MYH9: variants seen among roughly 807,000 people sequenced by gnomAD.
MYH9 encodes myosin-9.
A neutral mutation model predicts 241.9 loss-of-function variants in MYH9; 29 were observed. The ratio of observed to expected loss-of-function variants is 0.12; its 90% CI spans 0.09 to 0.16. The LOEUF is 0.16. MYH9 is among the 10% of genes least tolerant of loss of function. The probability of loss-of-function intolerance (pLI) is 1.00; values close to 1 mark genes in which losing one functional copy is unlikely to be tolerated. For missense variants in MYH9, 1,803 were observed against 2,595.5 expected (o/e 0.69, Z 6.63); for synonymous variants, 1,047 against 1,062.6 (o/e 0.99, Z 0.29).
intron 3 of MYH9, among the ~76,000 whole-genome samples, chr22:36,334,870 G>A (rs904596839): frequency 1.3e-5 from 2 of 152,186 alleles, no homozygotes; most frequent in African/African-American, 4.8e-5. Context: ...AGAGTGAGTT[G>A]ACTTGCTCCA....
intron 5 of MYH9, among the ~76,000 whole-genome samples, chr22:36,326,302 A>G (rs553982315): frequency 2.5e-4 from 38 of 152,338 alleles, no homozygotes; most frequent in Middle Eastern, 3.4e-3. Context: ...GCAAAAGCCA[A>G]GAGGGCTGCC....
At chr22:36,355,054 G>A (rs1051649572) in intron 1 of MYH9, among the ~76,000 whole-genome samples, 37 of 149,284 alleles carry the variant, frequency 2.5e-4, no homozygotes, top group Admixed American at 3.3e-4. Context: ...GGAATGGGCA[G>A]GCCAGCAAGA....
intron 1 of MYH9, among the ~76,000 whole-genome samples, chr22:36,360,944 C>G (rs966768899): frequency 7.9e-5 from 12 of 152,302 alleles, no homozygotes; most frequent in Non-Finnish European, 1.6e-4. Flanking sequence ...AATGTCCTAT[C>G]TGCTCACAGG....
chr22:36,367,965 GCACA>G (rs937643794), intron 1 of MYH9, among the ~76,000 whole-genome samples: 1 of 152,108 alleles, frequency 6.6e-6, no homozygotes, highest in Non-Finnish European at 1.5e-5. Context: ...GCAGAGACAT[GCACA>G]CAGAGACCTG....
intron 34 of MYH9, among the ~76,000 whole-genome samples, chr22:36,287,866 T>C (rs1177796858): frequency 6.6e-6 from 1 of 152,248 alleles, no homozygotes; most frequent in Non-Finnish European, 1.5e-5. Flanking sequence ...TTTCCAAGTA[T>C]GTGTCCCACA....
intron 10 of MYH9, among the ~76,000 whole-genome samples, chr22:36,319,019 C>A (rs1198843488): frequency 6.6e-6 from 1 of 152,204 alleles, no homozygotes; most frequent in African/African-American, 2.4e-5. Flanking sequence ...GCCTCAGCCT[C>A]CCAAACTGCT....
At chr22:36,364,551 G>A (rs1021888621) in intron 1 of MYH9, among the ~76,000 whole-genome samples, 2 of 152,120 alleles carry the variant, frequency 1.3e-5, no homozygotes, top group Non-Finnish European at 2.9e-5. Flanking sequence ...CACCCACAAT[G>A]GGCCATAGCT....
At chr22:36,353,977 T>C (rs1434221659) in intron 1 of MYH9, among the ~76,000 whole-genome samples, 1 of 152,206 alleles carries the variant, frequency 6.6e-6, no homozygotes, top group East Asian at 1.9e-4. Flanking sequence ...CTCGGCTCAC[T>C]GCAACCTCCA....
intron 1 of MYH9, among the ~76,000 whole-genome samples, chr22:36,360,233 G>A (rs2017917457): frequency 6.6e-6 from 1 of 152,140 alleles, no homozygotes; most frequent in African/African-American, 2.4e-5. Flanking sequence ...CAGGAGTCTA[G>A]TGACTCTTTC....
In MYH9 at chr22:36,293,609, A is replaced by G. The variant is rs951424351; in HGVS notation, c.3943-128T>C. 2.1e-6 allele frequency: 3 copies of G among 1,435,144 alleles called. No homozygotes were observed. Among genetic ancestry groups the G allele is most frequent in the Non-Finnish European group, 1.9e-6 (2 of 1,032,148 alleles). 88.9% of individuals were successfully genotyped at this position (1,435,144 alleles called of 1,614,324 possible). On this transcript the variant is annotated intron_variant, in intron 29 of 40. Transcript: ENST00000216181. The surrounding 1 kb of genome is among the most constrained non-coding windows in gnomAD (Gnocchi z 5.1). ...AGGGGATGGCCACGTAAAGACCTGGAGGGAGCTGGGAGGACGCAGAGACCC... is the reference window on the plus strand; with the variant it reads ...AGGGGATGGCCACGTAAAGACCTGGGGGGAGCTGGGAGGACGCAGAGACCC...
intron 1 of MYH9, among the ~76,000 whole-genome samples, chr22:36,382,047 C>T (rs539830519): frequency 6.6e-6 from 1 of 152,088 alleles, no homozygotes; most frequent in Admixed American, 6.5e-5. Flanking sequence ...AGGCTGATCT[C>T]GAACTCCTGG....
chr22:36,289,322 G>A (rs779221065), intron 31 of MYH9, 25 bp from the exon 32 acceptor site: 2 of 1,590,558 alleles, frequency 1.3e-6, no homozygotes, highest in South Asian at 2.3e-5. Flanking sequence ...GGCACCATGA[G>A]GCTCAGAGCT....
chr22:36,360,908 C>G (rs2017926644), intron 1 of MYH9, among the ~76,000 whole-genome samples: 1 of 152,138 alleles, frequency 6.6e-6, no homozygotes, highest in South Asian at 2.1e-4. Flanking sequence ...CAGGCACCAC[C>G]CAGGCCTCGG....
At chr22:36,377,835 C>G (rs1436887084) in intron 1 of MYH9, among the ~76,000 whole-genome samples, 1 of 151,924 alleles carries the variant, frequency 6.6e-6, no homozygotes, top group Non-Finnish European at 1.5e-5. Flanking sequence ...GGCGTGAACC[C>G]GAGAGGCGGA....
intron 12 of MYH9, among the ~76,000 whole-genome samples, chr22:36,316,054 T>TG (rs2017145506): frequency 6.7e-6 from 1 of 148,938 alleles, no homozygotes; most frequent in Non-Finnish European, 1.5e-5. Context: ...TTTTTTTTTT[T>TG]GAGACAGAGT....
chr22:36,303,859 G>A (rs1261143401), intron 19 of MYH9, 136 bp downstream of exon 19: 1 of 850,010 alleles, frequency 1.2e-6, no homozygotes, highest in African/African-American at 1.7e-5. Flanking sequence ...CCAGGAACAG[G>A]GGTAGGAAGA....
At chr22:36,378,199 C>T (rs923642393) in intron 1 of MYH9, among the ~76,000 whole-genome samples, 7 of 151,858 alleles carry the variant, frequency 4.6e-5, no homozygotes, top group Non-Finnish European at 7.4e-5. Flanking sequence ...ATGCTTGAGA[C>T]GGAGGCCGAG....
At chr22:36,336,474 C>A (rs935215150) in intron 3 of MYH9, among the ~76,000 whole-genome samples, 6 of 152,254 alleles carry the variant, frequency 3.9e-5, no homozygotes, top group African/African-American at 1.2e-4. Flanking sequence ...CTGGCAAGGG[C>A]CAGCAACACA....
chr22:36,298,615 G>A (rs572958125), intron 24 of MYH9, among the ~76,000 whole-genome samples: 2 of 152,294 alleles, frequency 1.3e-5, no homozygotes, highest in East Asian at 3.9e-4. Context: ...AGTCTCAGAA[G>A]CTTCCAAAAC....
Sources: allele counts gnomAD v4.1 joint callset (sites outside exome capture counted in the v4.1 genomes callset), GRCh38; gene constraint gnomAD v4.1.1; non-coding constraint Gnocchi (gnomAD v3.1); transcripts MANE v1.5; gene names NCBI Gene and HGNC (gene_info 2026-07-23, HGNC 2026-07-21).